The following SNCAIP variants were observed in gnomAD, a reference collection of about 807,000 sequenced individuals.
The protein encoded by SNCAIP is synphilin-1.
In SNCAIP, 43 loss-of-function variants were observed where a neutral mutation model predicts 86.7. That is an observed-to-expected ratio of 0.50 (90% CI 0.39 to 0.64). SNCAIP has a LOEUF of 0.64. Ranked by LOEUF, SNCAIP falls within the 30% of genes least tolerant of loss-of-function variation. The pLI is 0.00. For missense variants in SNCAIP, 981 were observed against 1,103.1 expected, an observed-to-expected ratio of 0.89 and a Z score of 1.57; for synonymous variants, 417 against 427.2, an observed-to-expected ratio of 0.98 and a Z score of 0.29.
At chr5:122,390,808 C>T (rs181870667) in intron 1 of SNCAIP, among the ~76,000 whole-genome samples, 1 of 152,246 alleles carries the variant, frequency 6.6e-6, no homozygotes, top group East Asian at 1.9e-4. Context: ...GGGGGAGATT[C>T]TGACCCAAGT....
At chr5:122,357,235 T>TTATA (rs1761203797) in intron 1 of SNCAIP, among the ~76,000 whole-genome samples, 1 of 152,042 alleles carries the variant, frequency 6.6e-6, no homozygotes, top group African/African-American at 2.4e-5. Context: ...TTATTTTTAT[T>TTATA]TATTTATTTA....
intron 3 of SNCAIP, among the ~76,000 whole-genome samples, chr5:122,422,313 T>C (rs533744355): frequency 3.9e-5 from 6 of 152,296 alleles, no homozygotes; most frequent in Admixed American, 2.0e-4. Context: ...CCTAATCCAC[T>C]TAATGGCACA....
chr5:122,443,083 T>C (rs1781430252), intron 7 of SNCAIP, among the ~76,000 whole-genome samples: 1 of 152,174 alleles, frequency 6.6e-6, no homozygotes, highest in Non-Finnish European at 1.5e-5. Context: ...AATACTGACA[T>C]GGTCTCTGTG....
chr5:122,402,639 C>T (rs1213975837), intron 2 of SNCAIP, among the ~76,000 whole-genome samples: 3 of 152,198 alleles, frequency 2.0e-5, no homozygotes, highest in Non-Finnish European at 4.4e-5. Flanking sequence ...AAGGAAGTCT[C>T]AATGCAGACG....
chr5:122,403,862 T>C lies in SNCAIP; in HGVS notation c.127T>C (p.Ser43Pro). The change falls in exon 3 of 11, where the codon TCA becomes CCA. Residue 43 changes from serine (S) to proline (P), a missense_variant. Coordinates refer to ENST00000261368, the MANE Select transcript of SNCAIP (RefSeq NM_005460.4). ...RRCDTQNEDR[S>P]VSSSSWNCGI... ...ATGTGATACGCAAAACGAAGACAGA[T>C]CAGGTAGGTTTTGCTCCTCCCCTCT... 1 of 1,613,054 alleles carries C rather than the reference T, an allele frequency of 6.2e-7. No homozygotes were observed. Among genetic ancestry groups the C allele is most frequent in the Non-Finnish European group, 8.5e-7 (1 of 1,179,092 alleles).
chr5:122,379,624 C>G (rs888799233), intron 1 of SNCAIP, among the ~76,000 whole-genome samples: 8 of 151,424 alleles, frequency 5.3e-5, no homozygotes, highest in East Asian at 3.9e-4. Flanking sequence ...TGCCAGTTTT[C>G]AAAGGGAATG....
intron 3 of SNCAIP, among the ~76,000 whole-genome samples, chr5:122,409,048 T>A (rs1773587544): frequency 6.6e-6 from 1 of 151,736 alleles, no homozygotes; most frequent in East Asian, 1.9e-4. Flanking sequence ...GTGTAGCAAC[T>A]AGTTTGGGAC....
At chr5:122,316,952 G>T (rs1289335103) in intron 1 of SNCAIP, among the ~76,000 whole-genome samples, 4 of 152,142 alleles carry the variant, frequency 2.6e-5, no homozygotes, top group African/African-American at 7.2e-5. Context: ...TCAAACCAAA[G>T]AATACGTTTT....
At chr5:122,349,992 T>C (rs1401142379) in intron 1 of SNCAIP, among the ~76,000 whole-genome samples, 3 of 152,176 alleles carry the variant, frequency 2.0e-5, no homozygotes, top group African/African-American at 7.2e-5. Flanking sequence ...TTCCCTATTA[T>C]GATTTGTTCA....
At chr5:122,368,552 G>A (rs897853966) in intron 1 of SNCAIP, among the ~76,000 whole-genome samples, 4 of 152,164 alleles carry the variant, frequency 2.6e-5, no homozygotes, top group Admixed American at 1.3e-4. Context: ...CTGAGCAAGC[G>A]ACTCAGCCTT....
At chr5:122,431,496 G>A (rs1317890744) in intron 5 of SNCAIP, among the ~76,000 whole-genome samples, 2 of 152,098 alleles carry the variant, frequency 1.3e-5, no homozygotes, top group African/African-American at 4.8e-5. Context: ...CCAGACACAA[G>A]AGTATATACA....
At chr5:122,361,457 G>A (rs554844788) in intron 1 of SNCAIP, among the ~76,000 whole-genome samples, 2 of 152,234 alleles carry the variant, frequency 1.3e-5, no homozygotes, top group East Asian at 3.9e-4. Context: ...ATCAAAGGAA[G>A]GTTTAAAACC....
rs1299282313 is a variant in SNCAIP at position 122,445,166 on chromosome 5, T to A, written c.1592+434T>A. Among the ~76,000 whole-genome samples the A allele has an allele frequency of 9.2e-5, 14 of 152,194 alleles. No individual in the cohort carries two copies. In the East Asian group the frequency reaches 2.7e-3, roughly 29 times the overall value. On this transcript the variant is annotated intron_variant, in intron 8 of 10. Transcript: ENST00000261368. ...TTCCCAGTTTTCTCAAAAAGAAAAA[T>A]GTGTGGGGGAAATTACAGATAAATA...
At chr5:122,358,504 C>T (rs116078584) in intron 1 of SNCAIP, among the ~76,000 whole-genome samples, 1 of 151,938 alleles carries the variant, frequency 6.6e-6, no homozygotes, top group Non-Finnish European at 1.5e-5. Flanking sequence ...AAATAAAATT[C>T]TTATCTGACT....
chr5:122,367,855 G>C (rs1763487550), intron 1 of SNCAIP, among the ~76,000 whole-genome samples: 1 of 152,046 alleles, frequency 6.6e-6, no homozygotes, highest in South Asian at 2.1e-4. Flanking sequence ...TCTCGTACCT[G>C]TGTGTGCATA....
At chr5:122,330,363 C>T (rs1167196744) in intron 1 of SNCAIP, among the ~76,000 whole-genome samples, 2 of 151,800 alleles carry the variant, frequency 1.3e-5, no homozygotes, top group African/African-American at 2.4e-5. Context: ...CCTCGTGATC[C>T]GCCTGCCTCG....
At chr5:122,336,344 A>G (rs572172114) in intron 1 of SNCAIP, among the ~76,000 whole-genome samples, 50 of 152,266 alleles carry the variant, frequency 3.3e-4, no homozygotes, top group African/African-American at 1.2e-3. Context: ...ATAGAATCAG[A>G]GGGGCTAGGG....
intron 3 of SNCAIP, among the ~76,000 whole-genome samples, chr5:122,409,543 A>G (rs941870074): frequency 2.0e-5 from 3 of 152,240 alleles, no homozygotes; most frequent in Admixed American, 6.5e-5. Flanking sequence ...AAAAAATTTT[A>G]TACCTAAATA....
At chr5:122,440,982 C>G in intron 7 of SNCAIP, 1 of 512,030 alleles carries the variant, frequency 2.0e-6, no homozygotes, top group South Asian at 2.0e-5. Flanking sequence ...TTGAAAGGGA[C>G]TTTTCCTGCT....
Sources: allele counts gnomAD v4.1 joint callset (sites outside exome capture counted in the v4.1 genomes callset), GRCh38; gene constraint gnomAD v4.1.1; transcripts MANE v1.5; gene names NCBI Gene and HGNC (gene_info 2026-07-23, HGNC 2026-07-21).